ROBO2: variants seen among roughly 807,000 people sequenced by gnomAD.
ROBO2 encodes the protein roundabout homolog 2.
ROBO2 carries 53 observed loss-of-function variants against 160.8 expected under a neutral mutation model. The ratio of observed to expected loss-of-function variants is 0.33; its 90% CI spans 0.26 to 0.41. The LOEUF is 0.41. Among genes scored for constraint, ROBO2 ranks in the 10% least tolerant of loss-of-function variants. The probability of loss-of-function intolerance (pLI) is 1.00; values close to 1 mark genes in which losing one functional copy is unlikely to be tolerated. For missense variants in ROBO2, 1,577 were observed against 1,722.4 expected, an observed-to-expected ratio of 0.92 and a Z score of 1.49; for synonymous variants, 664 against 611.7, an observed-to-expected ratio of 1.09 and a Z score of -1.26.
At chr3:76,532,106 A>G (rs1246531244) in intron 2 of ROBO2, among the ~76,000 whole-genome samples, 2 of 152,176 alleles carry the variant, frequency 1.3e-5, no homozygotes, top group Non-Finnish European at 2.9e-5. Context: ...ATCTTTGTCT[A>G]CAAGAGTGTC....
chr3:76,471,450 A>G (rs7610525), intron 2 of ROBO2, among the ~76,000 whole-genome samples: 47,834 of 151,968 alleles, frequency 0.31, 7,890 homozygotes, highest in Non-Finnish European at 0.37. Context: ...ACTATCTATA[A>G]CACACTGCCT....
At chr3:77,052,244 T>C (rs1031010278) in intron 1 of ROBO2, among the ~76,000 whole-genome samples, 4 of 152,186 alleles carry the variant, frequency 2.6e-5, no homozygotes, top group Non-Finnish European at 5.9e-5. Flanking sequence ...TCCCATTTTC[T>C]TTCCCTTTAA....
At position 77,532,955 on chromosome 3, in the gene ROBO2, G is replaced by C. The variant is rs557606059; in HGVS notation, c.934+10053G>C. 5.3e-5 allele frequency among the ~76,000 whole-genome samples: 8 copies of C among 152,044 alleles called. No homozygotes were observed. In the East Asian group the frequency reaches 1.2e-3, roughly 22 times the overall value. ...CTTTAATTAATTATGTTCATTTTCTGTCATGAATTAAATAAGTAATTGGTT... is the reference window on the plus strand; with the variant it reads ...CTTTAATTAATTATGTTCATTTTCTCTCATGAATTAAATAAGTAATTGGTT... On this transcript the variant is annotated intron_variant, in intron 6 of 25. Transcript: ENST00000461745.
intron 2 of ROBO2, among the ~76,000 whole-genome samples, chr3:77,426,191 G>A (rs1030247556): frequency 2.6e-5 from 4 of 152,226 alleles, no homozygotes; most frequent in African/African-American, 7.2e-5. Context: ...AGCAAAGTGA[G>A]CATATTCTAG....
chr3:76,821,826 G>A (rs1171925015), intron 2 of ROBO2, among the ~76,000 whole-genome samples: 1 of 151,834 alleles, frequency 6.6e-6, no homozygotes, highest in Non-Finnish European at 1.5e-5. Flanking sequence ...CTATAAATTG[G>A]TCCTTTTTAA....
chr3:76,509,126 T>G (rs1023637872), intron 2 of ROBO2, among the ~76,000 whole-genome samples: 12 of 152,208 alleles, frequency 7.9e-5, no homozygotes, highest in African/African-American at 2.7e-4. Context: ...CTACCTTTGT[T>G]ATTCTTAGAA....
In ROBO2 at chr3:76,144,051, G is replaced by A. The variant is rs544545608; in HGVS notation, c.109+206449G>A. On this transcript the variant is annotated intron_variant, in intron 2 of 26. Coordinates refer to the ROBO2 transcript ENST00000487694. Reference sequence around the variant, plus strand: ...CTTCACTCAGTCTACTGATTCAAATGTTAATCTCAGCCAGAAACACCCCCA... The same window carrying A: ...CTTCACTCAGTCTACTGATTCAAATATTAATCTCAGCCAGAAACACCCCCA... Among the ~76,000 whole-genome samples, 150 of 151,862 alleles carry A rather than the reference G, an allele frequency of 9.9e-4. 1 individual carries two copies. Among genetic ancestry groups the A allele is most frequent in the African/African-American group, 3.6e-3 (148 of 41,392 alleles).
chr3:77,193,889 A>G (rs1419358007), intron 2 of ROBO2, among the ~76,000 whole-genome samples: 4 of 152,202 alleles, frequency 2.6e-5, no homozygotes, highest in Non-Finnish European at 5.9e-5. Flanking sequence ...TACTAAGTAT[A>G]GTGCTACTAG....
rs531465799 is a variant in ROBO2, at chr3:76,793,181, T to TA, written c.110-304826dup. 1.2e-3 allele frequency among the ~76,000 whole-genome samples: 186 copies of TA among 151,912 alleles called. 3 individuals are homozygous for TA. Among genetic ancestry groups the TA allele is most frequent in the Admixed American group, 0.012 (180 of 15,188 alleles). Reference sequence around the variant, plus strand: ...TAATATTGAGACTAGTTTTTTAAATTAAAAAAATTAAGATATAAGCAGCAC... The same window carrying TA: ...TAATATTGAGACTAGTTTTTTAAATTAAAAAAAATTAAGATATAAGCAGCAC... On this transcript the variant is annotated intron_variant, in intron 2 of 26. Coordinates refer to the ROBO2 transcript ENST00000487694.
chr3:76,035,190 T>A (rs1403364739), intron 2 of ROBO2, among the ~76,000 whole-genome samples: 1 of 21,752 alleles, frequency 4.6e-5, no homozygotes, highest in African/African-American at 2.7e-4. Context: ...TAAATATATC[T>A]TTTTTTTTTT....
At chr3:77,644,795 A>G in exon 25 of ROBO2, 1 of 1,614,010 alleles carries the variant, frequency 6.2e-7, no homozygotes, top group Non-Finnish European at 8.5e-7. Flanking sequence ...GATCCACTGG[A>G]CCTAGGAAAA....
intron 1 of ROBO2, among the ~76,000 whole-genome samples, chr3:77,086,296 G>A (rs2149978550): frequency 6.6e-6 from 1 of 152,132 alleles, no homozygotes; most frequent in South Asian, 2.1e-4. Context: ...TGTGTACTCA[G>A]CACATGGAAA....
At chr3:77,300,467 T>G (rs1022187435) in intron 2 of ROBO2, among the ~76,000 whole-genome samples, 2 of 152,150 alleles carry the variant, frequency 1.3e-5, no homozygotes, top group African/African-American at 2.4e-5. Flanking sequence ...CCAACCCATC[T>G]GTTCTTTTTT....
chr3:76,033,177 A>AGAAG (rs2066986155), intron 2 of ROBO2, among the ~76,000 whole-genome samples: 1 of 151,996 alleles, frequency 6.6e-6, no homozygotes, highest in Non-Finnish European at 1.5e-5. Context: ...TGGTACTTTT[A>AGAAG]TCATGGTTGG....
intron 2 of ROBO2, among the ~76,000 whole-genome samples, chr3:76,904,658 G>A (rs183738039): frequency 1.6e-4 from 24 of 152,206 alleles, no homozygotes; most frequent in Admixed American, 1.0e-3. Flanking sequence ...TGGGATTTAA[G>A]AACAGGCTCC....
intron 2 of ROBO2, among the ~76,000 whole-genome samples, chr3:76,068,064 G>A (rs548538029): frequency 6.6e-5 from 10 of 152,278 alleles, no homozygotes; most frequent in South Asian, 4.1e-4. Context: ...GAGGGTGGAC[G>A]GTTACAAGGT....
chr3:76,189,387 T>C (rs554850309), intron 2 of ROBO2, among the ~76,000 whole-genome samples: 2 of 152,210 alleles, frequency 1.3e-5, no homozygotes, highest in East Asian at 3.9e-4. Flanking sequence ...TTTGGAAAGT[T>C]TCTTCCTCAA....
At chr3:76,758,697 CAT>C (rs904378941) in intron 2 of ROBO2, among the ~76,000 whole-genome samples, 2 of 151,796 alleles carry the variant, frequency 1.3e-5, no homozygotes, top group African/African-American at 4.8e-5. Flanking sequence ...GATCTACAAA[CAT>C]ATGGTTGATA....
At chr3:76,205,275 G>GCTT (rs1436146446) in intron 2 of ROBO2, among the ~76,000 whole-genome samples, 2 of 152,108 alleles carry the variant, frequency 1.3e-5, no homozygotes, top group East Asian at 3.9e-4. Context: ...AAATGCTGCT[G>GCTT]CTTCTTTTTT....
Sources: gnomAD v4.1 joint callset for allele counts (sites outside exome capture counted in the v4.1 genomes callset) on GRCh38, gnomAD v4.1.1 for gene constraint, MANE v1.5 for transcripts, NCBI Gene and HGNC (gene_info 2026-07-23, HGNC 2026-07-21) for gene names.